The following NR2C1 variants were observed in gnomAD, a reference collection of about 807,000 sequenced individuals.
The protein encoded by NR2C1 is nuclear receptor subfamily 2 group C member 1.
A neutral mutation model predicts 74.8 loss-of-function variants in NR2C1; 33 were observed. The ratio of observed to expected loss-of-function variants is 0.44; its 90% CI spans 0.33 to 0.59. The LOEUF (loss-of-function observed/expected upper bound fraction) is 0.59, where lower values mean the gene tolerates loss of function less well. NR2C1 is among the 20% of genes least tolerant of loss of function. The pLI, the probability that NR2C1 is intolerant of heterozygous loss-of-function variation, is 0.02. For missense variants in NR2C1, 568 were observed against 715.6 expected, an observed-to-expected ratio of 0.79 and a Z score of 2.35; for synonymous variants, 225 against 240.6, an observed-to-expected ratio of 0.94 and a Z score of 0.60.
At chr12:95,067,789 C>T (rs888361025) in intron 1 of NR2C1, among the ~76,000 whole-genome samples, 4 of 151,886 alleles carry the variant, frequency 2.6e-5, no homozygotes, top group Non-Finnish European at 5.9e-5. Flanking sequence ...CCTCAAACTC[C>T]TGGGCTCAAG....
chr12:95,022,267 C>T lies in NR2C1; in HGVS notation c.1774G>A (p.Ala592Thr), dbSNP rs1250380828. 8.7e-6 allele frequency: 14 copies of T among 1,612,332 alleles called. No homozygotes were observed. Among genetic ancestry groups the T allele is most frequent in the Non-Finnish European group, 1.2e-5 (14 of 1,179,608 alleles). The change falls in exon 14 of 14, where the codon GCA (alanine) becomes ACA (threonine). Residue 592 changes from alanine (A) to threonine (T), a missense_variant. Ala to Thr is a moderately conservative substitution (Grantham distance 58). Coordinates refer to ENST00000333003, the MANE Select transcript of NR2C1 (RefSeq NM_003297.4). ...CCAATTATTTGAGAGTTATAATCTG[C>T]AGGCTCCATTTTCAAAATATGTGGG... is the stretch of plus-strand genomic sequence containing the variant. ...VIPHILKMEP[A>T]DYNSQIIGHS... is the part of the protein sequence containing the mutation.
chr12:95,022,456 A>C (rs1002527821), intron 13 of NR2C1, 53 bp from the exon 14 acceptor site: 1 of 1,394,254 alleles, frequency 7.2e-7, no homozygotes, highest in Non-Finnish European at 9.8e-7. Context: ...CCAGAAAGAA[A>C]TTTAGTAGAA....
intron 9 of NR2C1, among the ~76,000 whole-genome samples, chr12:95,042,377 T>A (rs1423080413): frequency 1.3e-5 from 2 of 151,740 alleles, no homozygotes; most frequent in Non-Finnish European, 2.9e-5. Flanking sequence ...GCCCCGCTAA[T>A]TTTTTTTGTA....
chr12:95,066,240 G>A (rs776919553), intron 2 of NR2C1, among the ~76,000 whole-genome samples: 1 of 152,012 alleles, frequency 6.6e-6, no homozygotes, highest in Non-Finnish European at 1.5e-5. Flanking sequence ...AGCACCTCAC[G>A]CCTGTAATCC....
At chr12:95,035,363 G>C (rs955596618) in intron 10 of NR2C1, among the ~76,000 whole-genome samples, 10 of 151,964 alleles carry the variant, frequency 6.6e-5, no homozygotes, top group African/African-American at 2.4e-4. Context: ...AAGGAAGTTA[G>C]AGTAAACTCA....
rs542781614 is a variant in NR2C1 at position 95,036,356 on chromosome 12, T to C, written c.1253+4120A>G. 9.8e-4 allele frequency among the ~76,000 whole-genome samples: 149 copies of C among 151,952 alleles called. 2 individuals carry two copies. Among genetic ancestry groups the C allele is most frequent in the African/African-American group, 2.6e-3 (108 of 41,404 alleles). On this transcript the variant is annotated intron_variant, in intron 10 of 13. Coordinates refer to ENST00000333003, the MANE Select transcript of NR2C1 (RefSeq NM_003297.4). ...GGGAGGCTCGGCTGGGAGAATTGCT[T>C]GAGGCAAGGAGTTCAAGATCAGCCT...
At chr12:95,042,415 G>A (rs1356924989) in intron 9 of NR2C1, among the ~76,000 whole-genome samples, 4 of 151,798 alleles carry the variant, frequency 2.6e-5, no homozygotes, top group Non-Finnish European at 5.9e-5. Flanking sequence ...GTTGTACCAC[G>A]TTGGCCAGGC....
At chr12:95,024,873 T>C (rs1869161734) in intron 13 of NR2C1, among the ~76,000 whole-genome samples, 1 of 152,252 alleles carries the variant, frequency 6.6e-6, no homozygotes. Flanking sequence ...AGAGTCAGAC[T>C]ACTTGGGTCA....
intron 12 of NR2C1, among the ~76,000 whole-genome samples, chr12:95,026,107 T>C (rs1307634880): frequency 2.0e-5 from 3 of 151,300 alleles, no homozygotes; most frequent in Admixed American, 6.6e-5. Context: ...CTTGGGAGGC[T>C]GAGGCAGGAG....
At chr12:95,059,315 ATT>A (rs373286807) in intron 4 of NR2C1, among the ~76,000 whole-genome samples, 1 of 149,822 alleles carries the variant, frequency 6.7e-6, no homozygotes, top group Non-Finnish European at 1.5e-5. Context: ...AAAAAAAAAA[ATT>A]TTTTTTTTAC....
At position 95,042,001 on chromosome 12, in the gene NR2C1, TCA is replaced by T. The variant is rs796226492; in HGVS notation, c.1132-1406_1132-1405del. ...GAGATGTAATGGTATACAAAAAATC[TCA>T]CAGACATCCAAGTGGAAAAAACTGT... On this transcript the variant is annotated intron_variant, in intron 9 of 13. Transcript: ENST00000333003. Among the ~76,000 whole-genome samples, 15 of 152,228 alleles carry T rather than the reference TCA, an allele frequency of 9.9e-5. 1 individual carries two copies. The highest frequency in any genetic ancestry group is 3.6e-4 in the African/African-American group (15 of 41,558).
Position 95,073,532 on chromosome 12 carries a change from G to C in NR2C1, c.-160C>G, listed in dbSNP as rs894041014. 1 of 152,294 alleles carries C rather than the reference G, an allele frequency of 6.6e-6. No individual in the cohort carries two copies. Among genetic ancestry groups the C allele is most frequent in the Non-Finnish European group, 1.5e-5 (1 of 68,064 alleles). The allele number at this position is 152,294 out of a possible 1,614,324, so 9.4% of individuals were successfully genotyped here. On this transcript the variant is annotated 5_prime_UTR_variant, in exon 1 of 14. Coordinates refer to ENST00000333003, the MANE Select transcript of NR2C1 (RefSeq NM_003297.4). ...ATTCACGGCGGAGAGAGCTTTCTGT[G>C]TTTGGGTATTTCTGGGGGGTCAGAG...
At chr12:95,022,870 G>GTTT (rs557280268) in intron 13 of NR2C1, among the ~76,000 whole-genome samples, 3 of 142,606 alleles carry the variant, frequency 2.1e-5, no homozygotes, top group Non-Finnish European at 3.1e-5. Context: ...AATTGTGTTT[G>GTTT]TTTTTTTTTT....
chr12:95,067,402 TAA>T lies in NR2C1; in HGVS notation c.-7-13_-7-12del. On this transcript the variant is annotated splice_polypyrimidine_tract_variant and intron_variant, in intron 1 of 13. Coordinates refer to ENST00000333003, the MANE Select transcript of NR2C1 (RefSeq NM_003297.4). ...GTTGCCATGATCTACCTGCCAAAAA[TAA>T]AAAGATGTTTTATAATTAAACTCAC... The T allele has an allele frequency of 6.3e-7, 1 of 1,592,506 alleles. No individual in the cohort carries two copies. Among genetic ancestry groups the T allele is most frequent in the Non-Finnish European group, 8.6e-7 (1 of 1,160,830 alleles).
At chr12:95,043,392 A>C (rs1382404384) in intron 9 of NR2C1, among the ~76,000 whole-genome samples, 1 of 152,146 alleles carries the variant, frequency 6.6e-6, no homozygotes, top group South Asian at 2.1e-4. Flanking sequence ...ACAACAACAA[A>C]AAAGTCCTTT....
chr12:95,029,329 C>A (rs1869762199), intron 11 of NR2C1, among the ~76,000 whole-genome samples: 1 of 151,690 alleles, frequency 6.6e-6, no homozygotes, highest in Admixed American at 6.6e-5. Context: ...GATCTGCCTG[C>A]CTCAGCCTCC....
chr12:95,050,301 A>G (rs932744232), intron 8 of NR2C1, among the ~76,000 whole-genome samples: 6 of 152,082 alleles, frequency 3.9e-5, no homozygotes, highest in African/African-American at 1.4e-4. Context: ...TTTATTCAGT[A>G]TATATATTAT....
chr12:95,048,931 G>T, intron 9 of NR2C1, 137 bp downstream of exon 9: 1 of 810,972 alleles, frequency 1.2e-6, no homozygotes, highest in Non-Finnish European at 1.9e-6. Flanking sequence ...GCCCAGATGA[G>T]TGTTTTAGCT....
intron 3 of NR2C1, 137 bp downstream of exon 3, chr12:95,062,371 G>T: frequency 1.6e-6 from 1 of 626,078 alleles, no homozygotes. Context: ...TGTCACTGTA[G>T]ATACTGTGTT....
Sources: allele counts gnomAD v4.1 joint callset (sites outside exome capture counted in the v4.1 genomes callset), GRCh38; gene constraint gnomAD v4.1.1; transcripts MANE v1.5; gene names NCBI Gene and HGNC (gene_info 2026-07-23, HGNC 2026-07-21).